ROBO1: variants seen among roughly 807,000 people sequenced by gnomAD.
ROBO1 encodes roundabout homolog 1.
Under a neutral mutation model 195.9 loss-of-function variants are expected in ROBO1, and 149 were observed. The observed-to-expected ratio is 0.76, with a 90% CI of 0.67 to 0.87. The LOEUF is 0.87. Among genes scored for constraint, ROBO1 ranks in the 40% least tolerant of loss-of-function variants. The probability of loss-of-function intolerance (pLI) is 0.00; values close to 1 mark genes in which losing one functional copy is unlikely to be tolerated. For missense variants in ROBO1, 1,933 were observed against 2,068.3 expected (o/e 0.93, Z 1.27); for synonymous variants, 816 against 733.2 (o/e 1.11, Z -1.82).
chr3:79,433,163 G>A (rs2038748157), intron 2 of ROBO1, among the ~76,000 whole-genome samples: 1 of 151,996 alleles, frequency 6.6e-6, no homozygotes, highest in Admixed American at 6.6e-5. Context: ...TCTTCCTGAT[G>A]CTCTTCCTCT....
chr3:78,654,938 A>C (rs1280962354), intron 18 of ROBO1, among the ~76,000 whole-genome samples: 2 of 152,192 alleles, frequency 1.3e-5, no homozygotes, highest in African/African-American at 4.8e-5. Flanking sequence ...AAATTTAATA[A>C]AATTGGGCAA....
chr3:79,753,848 T>G (rs1244237542), intron 1 of ROBO1, among the ~76,000 whole-genome samples: 1 of 152,170 alleles, frequency 6.6e-6, no homozygotes, highest in Non-Finnish European at 1.5e-5. Flanking sequence ...TTTAAAATGA[T>G]GCAAAAATTT....
intron 1 of ROBO1, among the ~76,000 whole-genome samples, chr3:79,650,269 A>G (rs1244806691): frequency 2.0e-5 from 3 of 151,798 alleles, no homozygotes; most frequent in African/African-American, 7.2e-5. Context: ...TAAAATGTAT[A>G]ATCATATAGA....
rs148529573 is a variant in ROBO1 at position 79,383,894 on chromosome 3, A to T, written c.88+205930T>A. Among the ~76,000 whole-genome samples, 78 of 152,202 alleles carry T rather than the reference A, an allele frequency of 5.1e-4. No individual in the cohort carries two copies. In the East Asian group the frequency reaches 0.015, roughly 29 times the overall value. On this transcript the variant is annotated intron_variant, in intron 2 of 30. Transcript: ENST00000464233. ...TTACAGTAAAAATGCTCAGTAATCA[A>T]CCTTTGTAAAACATCATATTATACA...
chr3:79,500,687 G>A (rs1046910125), intron 2 of ROBO1, among the ~76,000 whole-genome samples: 1 of 152,190 alleles, frequency 6.6e-6, no homozygotes. Flanking sequence ...AGGACAGAAA[G>A]GAATGATATT....
intron 2 of ROBO1, among the ~76,000 whole-genome samples, chr3:79,155,024 T>A (rs1344460467): frequency 6.6e-6 from 1 of 151,780 alleles, no homozygotes; most frequent in Non-Finnish European, 1.5e-5. Context: ...TAACTACAGC[T>A]CTGCTCGGGT....
intron 5 of ROBO1, among the ~76,000 whole-genome samples, chr3:78,718,182 A>G (rs987227839): frequency 2.0e-5 from 3 of 152,212 alleles, no homozygotes; most frequent in African/African-American, 7.2e-5. Context: ...TATTTAGTTA[A>G]GTGAAAAACC....
intron 8 of ROBO1, among the ~76,000 whole-genome samples, chr3:78,713,303 C>A (rs1025714146): frequency 6.6e-6 from 1 of 152,106 alleles, no homozygotes; most frequent in African/African-American, 2.4e-5. Flanking sequence ...GCCCACAAGG[C>A]TCTTTTGTAC....
At chr3:78,901,784 C>T (rs906489975) in intron 4 of ROBO1, among the ~76,000 whole-genome samples, 10 of 152,022 alleles carry the variant, frequency 6.6e-5, no homozygotes, top group African/African-American at 2.4e-4. Context: ...TAGATTAGAC[C>T]CCATCAAATG....
At chr3:78,627,242 G>A (rs543395827) in intron 26 of ROBO1, 79 bp downstream of exon 26, 633 of 1,465,946 alleles carry the variant, frequency 4.3e-4, no homozygotes, top group Non-Finnish European at 5.4e-4. Context: ...AAATTACTTC[G>A]TGGGATAGCA....
intron 2 of ROBO1, among the ~76,000 whole-genome samples, chr3:79,553,127 A>G (rs1348939098): frequency 6.6e-6 from 1 of 151,996 alleles, no homozygotes; most frequent in Admixed American, 6.6e-5. Flanking sequence ...TAAATTTCAC[A>G]TTTGCATGCA....
intron 1 of ROBO1, among the ~76,000 whole-genome samples, chr3:79,704,101 A>C (rs1947697845): frequency 6.6e-6 from 1 of 151,958 alleles, no homozygotes; most frequent in Non-Finnish European, 1.5e-5. Context: ...AGCAATATTG[A>C]GACAAGGGTG....
chr3:79,491,232 T>C (rs1575906760), intron 2 of ROBO1, among the ~76,000 whole-genome samples: 1 of 151,722 alleles, frequency 6.6e-6, no homozygotes, highest in East Asian at 1.9e-4. Context: ...CTTTTTTTTT[T>C]TTTTTCCAGT....
intron 1 of ROBO1, among the ~76,000 whole-genome samples, chr3:79,747,072 G>A (rs1703908252): frequency 6.6e-6 from 1 of 151,970 alleles, no homozygotes. Flanking sequence ...CCAGGTCTAA[G>A]TAGGGAATAT....
intron 3 of ROBO1, among the ~76,000 whole-genome samples, chr3:79,115,528 G>C (rs765605822): frequency 2.6e-5 from 4 of 152,048 alleles, no homozygotes; most frequent in African/African-American, 4.8e-5. Flanking sequence ...TGTTTCCAGG[G>C]TAGCAGGGAT....
At chr3:79,070,526 A>G (rs1286291764) in intron 3 of ROBO1, among the ~76,000 whole-genome samples, 1 of 151,822 alleles carries the variant, frequency 6.6e-6, no homozygotes, top group Non-Finnish European at 1.5e-5. Flanking sequence ...GTTTTCTGAT[A>G]TGTATTCTTG....
intron 4 of ROBO1, among the ~76,000 whole-genome samples, chr3:78,778,280 T>C (rs2083566231): frequency 6.6e-6 from 1 of 152,202 alleles, no homozygotes; most frequent in African/African-American, 2.4e-5. Flanking sequence ...CTCAAGGACG[T>C]TGGCCTGAAA....
At chr3:79,080,237 A>G (rs910053412) in intron 3 of ROBO1, among the ~76,000 whole-genome samples, 1 of 151,938 alleles carries the variant, frequency 6.6e-6, no homozygotes, top group Non-Finnish European at 1.5e-5. Context: ...CTTTCTTAAT[A>G]TTAACTTTCA....
chr3:79,275,887 CA>C (rs34445372), intron 2 of ROBO1, among the ~76,000 whole-genome samples: 77 of 149,900 alleles, frequency 5.1e-4, no homozygotes, highest in African/African-American at 1.6e-3. Context: ...ACAACAGCTA[CA>C]AAAAAAAATA....
Sources: allele counts gnomAD v4.1 joint callset (sites outside exome capture counted in the v4.1 genomes callset), GRCh38; gene constraint gnomAD v4.1.1; transcripts MANE v1.5; gene names NCBI Gene and HGNC (gene_info 2026-07-23, HGNC 2026-07-21).